FBXL7: variants seen among roughly 807,000 people sequenced by gnomAD.
FBXL7 encodes F-box and leucine rich repeat protein 7, also known as F-box/LRR-repeat protein 7.
Under a neutral mutation model 38.3 loss-of-function variants are expected in FBXL7, and 12 were observed. The observed-to-expected ratio is 0.31, with a 90% CI of 0.20 to 0.51. The LOEUF is 0.51. Ranked by LOEUF, FBXL7 falls within the 20% of genes least tolerant of loss-of-function variation. FBXL7 has a pLI of 0.98. For missense variants in FBXL7, 567 were observed against 676.4 expected (o/e 0.84, Z 1.79); for synonymous variants, 297 against 300.9 (o/e 0.99, Z 0.13).
At chr5:15,544,677 A>G (rs899134137) in intron 1 of FBXL7, among the ~76,000 whole-genome samples, 6 of 152,156 alleles carry the variant, frequency 3.9e-5, no homozygotes, top group Admixed American at 3.3e-4. Context: ...CTCAGAGTAG[A>G]GTATGGATAC....
intron 2 of FBXL7, among the ~76,000 whole-genome samples, chr5:15,671,863 A>G (rs993506213): frequency 6.6e-6 from 1 of 152,204 alleles, no homozygotes; most frequent in Non-Finnish European, 1.5e-5. Context: ...CAATCTCATA[A>G]ATGGGATATG....
At chr5:15,810,042 G>T (rs1206128405) in intron 2 of FBXL7, among the ~76,000 whole-genome samples, 2 of 152,064 alleles carry the variant, frequency 1.3e-5, no homozygotes, top group Non-Finnish European at 2.9e-5. Flanking sequence ...ATCTATTTTG[G>T]TGGGGTATTC....
chr5:15,662,263 T>C (rs1742109932), intron 2 of FBXL7, among the ~76,000 whole-genome samples: 1 of 152,236 alleles, frequency 6.6e-6, no homozygotes, highest in South Asian at 2.1e-4. Flanking sequence ...TTGTGCTTTT[T>C]GTCTATGTGT....
intron 2 of FBXL7, among the ~76,000 whole-genome samples, chr5:15,850,876 A>G (rs189079189): frequency 6.6e-6 from 1 of 152,212 alleles, no homozygotes; most frequent in Non-Finnish European, 1.5e-5. Context: ...CTGTAGAGGT[A>G]AAAGTCAACA....
intron 2 of FBXL7, among the ~76,000 whole-genome samples, chr5:15,778,503 A>G (rs994133210): frequency 2.0e-5 from 3 of 152,108 alleles, no homozygotes; most frequent in African/African-American, 7.2e-5. Context: ...AGTTAAGAAT[A>G]TGGTTTGAGG....
intron 1 of FBXL7, among the ~76,000 whole-genome samples, chr5:15,568,993 C>G (rs1293593022): frequency 3.3e-5 from 5 of 152,128 alleles, no homozygotes; most frequent in African/African-American, 1.2e-4. Context: ...GTTACTATAG[C>G]CTTGTAGTAT....
chr5:15,699,421 T>C (rs1743453922), intron 2 of FBXL7, among the ~76,000 whole-genome samples: 2 of 152,150 alleles, frequency 1.3e-5, no homozygotes, highest in Non-Finnish European at 1.5e-5. Context: ...TCCAGCCTCT[T>C]CCTTCGCCAT....
intron 2 of FBXL7, among the ~76,000 whole-genome samples, chr5:15,895,623 C>G (rs900944457): frequency 7.1e-6 from 1 of 140,754 alleles, no homozygotes; most frequent in Non-Finnish European, 1.5e-5. Flanking sequence ...GCTTAGGGCC[C>G]TTTTTCATAC....
At chr5:15,778,607 C>T (rs1579455102) in intron 2 of FBXL7, among the ~76,000 whole-genome samples, 1 of 152,132 alleles carries the variant, frequency 6.6e-6, no homozygotes, top group Non-Finnish European at 1.5e-5. Context: ...CACTCTTTCT[C>T]ATCTCCATCG....
At chr5:15,752,332 G>GAA (rs35854240) in intron 2 of FBXL7, among the ~76,000 whole-genome samples, 1 of 151,766 alleles carries the variant, frequency 6.6e-6, no homozygotes, top group East Asian at 1.9e-4. Context: ...AATCTTGGGG[G>GAA]AAAAATGGAA....
chr5:15,838,361 T>C (rs1305713891), intron 2 of FBXL7, among the ~76,000 whole-genome samples: 3 of 152,112 alleles, frequency 2.0e-5, no homozygotes, highest in African/African-American at 4.8e-5. Flanking sequence ...TGTGTCCTCA[T>C]ATTGTGGAAG....
chr5:15,798,811 G>C (rs1737481959), intron 2 of FBXL7, among the ~76,000 whole-genome samples: 1 of 152,168 alleles, frequency 6.6e-6, no homozygotes, highest in Non-Finnish European at 1.5e-5. Context: ...ATTTCTGAGA[G>C]AATGTGGTCG....
At chr5:15,620,342 C>T (rs1740590064) in intron 2 of FBXL7, among the ~76,000 whole-genome samples, 1 of 150,640 alleles carries the variant, frequency 6.6e-6, no homozygotes, top group African/African-American at 2.4e-5. Context: ...AAGCGATTCT[C>T]CTGCCTCAGC....
At chr5:15,800,896 G>A (rs1737546394) in intron 2 of FBXL7, among the ~76,000 whole-genome samples, 1 of 152,168 alleles carries the variant, frequency 6.6e-6, no homozygotes, top group African/African-American at 2.4e-5. Flanking sequence ...TGTCAGTCAG[G>A]ATTCTCCAGA....
chr5:15,741,442 T>C (rs1478048611), intron 2 of FBXL7, among the ~76,000 whole-genome samples: 1 of 151,948 alleles, frequency 6.6e-6, no homozygotes, highest in Admixed American at 6.6e-5. Flanking sequence ...AAAAAATGAA[T>C]TTTTTTTACC....
intron 2 of FBXL7, among the ~76,000 whole-genome samples, chr5:15,894,513 G>T (rs1424450856): frequency 6.6e-6 from 1 of 152,154 alleles, no homozygotes; most frequent in Non-Finnish European, 1.5e-5. Flanking sequence ...GCAGGTATAA[G>T]AACTATGGAG....
At chr5:15,660,564 G>A (rs1742029708) in intron 2 of FBXL7, among the ~76,000 whole-genome samples, 1 of 152,056 alleles carries the variant, frequency 6.6e-6, no homozygotes, top group Non-Finnish European at 1.5e-5. Flanking sequence ...CACCGTGTTG[G>A]TCAGACTTGT....
At chr5:15,705,555 A>G (rs1743657407) in intron 2 of FBXL7, among the ~76,000 whole-genome samples, 1 of 152,232 alleles carries the variant, frequency 6.6e-6, no homozygotes, top group Non-Finnish European at 1.5e-5. Flanking sequence ...GATTGTAATG[A>G]AAAATTATCA....
chr5:15,887,865 TAAAA>T (rs1184530028), intron 2 of FBXL7, among the ~76,000 whole-genome samples: 1 of 152,190 alleles, frequency 6.6e-6, no homozygotes, highest in Non-Finnish European at 1.5e-5. Context: ...AAGCCAGTGT[TAAAA>T]AACAATAAAT....
Sources: allele counts gnomAD v4.1 joint callset (sites outside exome capture counted in the v4.1 genomes callset), GRCh38; gene constraint gnomAD v4.1.1; transcripts MANE v1.5; gene names NCBI Gene and HGNC (gene_info 2026-07-23, HGNC 2026-07-21).